The following NRG1 variants were observed in gnomAD, a reference collection of about 807,000 sequenced individuals.
NRG1 encodes the protein pro-neuregulin-1, membrane-bound isoform.
Under a neutral mutation model 63.8 loss-of-function variants are expected in NRG1, and 18 were observed. The ratio of observed to expected loss-of-function variants is 0.28; its 90% confidence interval spans 0.19 to 0.42. The LOEUF (loss-of-function observed/expected upper bound fraction) is 0.42. Among genes scored for constraint, NRG1 ranks in the 10% least tolerant of loss-of-function variants. The probability of loss-of-function intolerance (pLI) is 1.00; values close to 1 mark genes in which losing one functional copy is unlikely to be tolerated. For missense variants in NRG1, 762 were observed against 814.7 expected, an observed-to-expected ratio of 0.94 and a Z score of 0.79; for synonymous variants, 302 against 301.3, an observed-to-expected ratio of 1.00 and a Z score of -0.02.
intron 2 of NRG1, among the ~76,000 whole-genome samples, chr8:32,600,022 A>G (rs980396796): frequency 6.6e-6 from 1 of 152,176 alleles, no homozygotes; most frequent in East Asian, 1.9e-4. Context: ...AACTTTATAT[A>G]TAATGAAATC....
chr8:32,407,323 ATATATATATG>A (rs1438109546), intron 1 of NRG1, among the ~76,000 whole-genome samples: 1 of 66,682 alleles, frequency 1.5e-5, no homozygotes, highest in Non-Finnish European at 3.4e-5. Context: ...TATATATTAT[ATATATATATG>A]GCCAACCATA....
At chr8:31,646,465 A>C (rs1056505024) in intron 1 of NRG1, among the ~76,000 whole-genome samples, 1 of 152,232 alleles carries the variant, frequency 6.6e-6, no homozygotes, top group African/African-American at 2.4e-5. Context: ...TGGACGAGGG[A>C]TAAGAAATGT....
chr8:32,546,055 C>T (rs7823498), upstream of NRG1, among the ~76,000 whole-genome samples: 118,139 of 152,082 alleles, frequency 0.78, 46,076 homozygotes, highest in Admixed American at 0.86. Context: ...CCTGCTTTTA[C>T]GTTTTATCTT....
At chr8:32,713,553 A>G (rs904529929) in intron 5 of NRG1, among the ~76,000 whole-genome samples, 1 of 151,194 alleles carries the variant, frequency 6.6e-6, no homozygotes, top group Non-Finnish European at 1.5e-5. Flanking sequence ...TTTCTCCCAT[A>G]CATCCACCAT....
chr8:31,781,951 G>T (rs1361744407), intron 1 of NRG1, among the ~76,000 whole-genome samples: 2 of 152,134 alleles, frequency 1.3e-5, no homozygotes, highest in South Asian at 4.1e-4. Context: ...GAGGAAGAGA[G>T]TGGGCACTTC....
At chr8:32,255,205 T>C in intron 1 of NRG1, among the ~76,000 whole-genome samples, 1 of 152,210 alleles carries the variant, frequency 6.6e-6, no homozygotes, top group East Asian at 1.9e-4. Context: ...AAGGTTAATA[T>C]TGTTATATGT....
chr8:32,454,746 C>A (rs1462985184), intron 1 of NRG1, among the ~76,000 whole-genome samples: 12 of 152,008 alleles, frequency 7.9e-5, no homozygotes, highest in Admixed American at 7.2e-4. Flanking sequence ...TTTAGTGTAG[C>A]CAAGTGTGCA....
intron 1 of NRG1, among the ~76,000 whole-genome samples, chr8:32,188,349 G>T (rs1331740817): frequency 6.6e-6 from 1 of 152,204 alleles, no homozygotes; most frequent in Non-Finnish European, 1.5e-5. Flanking sequence ...TTACAGGCGT[G>T]AACCACTACG....
chr8:32,074,961 A>G (rs1401896866), intron 1 of NRG1, among the ~76,000 whole-genome samples: 3 of 152,258 alleles, frequency 2.0e-5, no homozygotes, highest in African/African-American at 7.2e-5. Context: ...GCCTGAGTTC[A>G]TATCTCAAAT....
At position 32,559,996 on chromosome 8, in the gene NRG1, G is replaced by A. The variant is rs143153216; in HGVS notation, c.100+11170G>A. 5.5e-3 allele frequency among the ~76,000 whole-genome samples: 844 copies of A among 152,184 alleles called. 3 individuals carry two copies. The highest frequency in any genetic ancestry group is 0.027 in the Middle Eastern group (8 of 294). On this transcript the variant is annotated intron_variant, in intron 1 of 11. Transcript: ENST00000356819. ...CGTGACACCACACTCCAGGCTGGGT[G>A]ACAGAGTGAGACCCTGTGTCAAAAT...
intron 1 of NRG1, among the ~76,000 whole-genome samples, chr8:32,384,942 T>G (rs902378798): frequency 6.6e-6 from 1 of 152,234 alleles, no homozygotes; most frequent in Admixed American, 6.5e-5. Context: ...ATTCAAATTT[T>G]TAAGAGAAAA....
chr8:31,990,664 G>A (rs564415721), intron 1 of NRG1, among the ~76,000 whole-genome samples: 2 of 152,222 alleles, frequency 1.3e-5, no homozygotes, highest in African/African-American at 4.8e-5. Flanking sequence ...TTTTGTGGTA[G>A]ACACTTTTCC....
intron 1 of NRG1, among the ~76,000 whole-genome samples, chr8:31,852,514 A>T (rs1370724279): frequency 4.6e-5 from 7 of 151,550 alleles, no homozygotes; most frequent in South Asian, 2.1e-4. Context: ...TATTAGCCCT[A>T]TGTCAGATGA....
chr8:32,121,635 T>C (rs950053199), intron 1 of NRG1, among the ~76,000 whole-genome samples: 1 of 152,016 alleles, frequency 6.6e-6, no homozygotes, highest in Non-Finnish European at 1.5e-5. Context: ...TTTTGGAGCA[T>C]TGTTTTGTTT....
chr8:32,656,600 T>C lies in NRG1; in HGVS notation c.502+39715T>C, dbSNP rs751231595. 2.6e-5 allele frequency among the ~76,000 whole-genome samples: 4 copies of C among 152,328 alleles called. No individual in the cohort carries two copies. In the South Asian group the frequency reaches 6.2e-4, roughly 24 times the overall value. ...GGCATAATATATGTATTTTTATTTA[T>C]TCTTTAAAGTAGAACTAGAAATATG... On this transcript the variant is annotated intron_variant, in intron 5 of 11. Transcript: ENST00000356819.
chr8:32,587,564 C>A (rs765802101), intron 1 of NRG1, among the ~76,000 whole-genome samples: 6 of 152,106 alleles, frequency 3.9e-5, no homozygotes. Flanking sequence ...CCTCACGATT[C>A]CAAATAATAA....
At chr8:32,165,228 T>A (rs891012569) in intron 1 of NRG1, among the ~76,000 whole-genome samples, 12 of 151,942 alleles carry the variant, frequency 7.9e-5, no homozygotes, top group Non-Finnish European at 1.6e-4. Context: ...AGCCTTGAAC[T>A]CCTGGGCTCA....
chr8:32,290,781 C>T (rs1326939693), intron 1 of NRG1, among the ~76,000 whole-genome samples: 3 of 152,118 alleles, frequency 2.0e-5, no homozygotes, highest in Non-Finnish European at 4.4e-5. Flanking sequence ...TTCCTACTCA[C>T]CTTATTCTTA....
intron 1 of NRG1, among the ~76,000 whole-genome samples, chr8:31,845,106 C>CAAATAAATAAATAAAT (rs3052830): frequency 7.0e-4 from 103 of 146,312 alleles, no homozygotes; most frequent in Admixed American, 2.9e-3. Context: ...GACTCCGTCT[C>CAAATAAATAAATAAAT]AAATAAATAA....
Sources: allele counts gnomAD v4.1 joint callset (sites outside exome capture counted in the v4.1 genomes callset), GRCh38; gene constraint gnomAD v4.1.1; transcripts MANE v1.5; gene names NCBI Gene and HGNC (gene_info 2026-07-23, HGNC 2026-07-21).